Variants in TTC7A observed in about 807,000 individuals in gnomAD.
The protein encoded by TTC7A is tetratricopeptide repeat domain 7A.
In TTC7A, 110 loss-of-function variants were observed where a neutral mutation model predicts 103.7. That is an observed-to-expected ratio of 1.06 (90% confidence interval 0.91 to 1.24). TTC7A has a LOEUF of 1.24. Ranked by LOEUF, TTC7A falls within the 50% of genes most tolerant of loss-of-function variation. TTC7A has a pLI of 0.00. For missense variants in TTC7A, 1,340 were observed against 1,116.3 expected, an observed-to-expected ratio of 1.20 and a Z score of -2.86; for synonymous variants, 521 against 467.9, an observed-to-expected ratio of 1.11 and a Z score of -1.47.
At chr2:46,956,812 G>T in intron 2 of TTC7A, 27 bp from the exon 3 acceptor site, 1 of 1,612,684 alleles carries the variant, frequency 6.2e-7, no homozygotes, top group Non-Finnish European at 8.5e-7. Flanking sequence ...TGGGGCAGGC[G>T]CTGGTAACAT....
rs138361815 is a variant in TTC7A at position 47,062,960 on chromosome 2, A to G, written c.2355+1989A>G. On this transcript the variant is annotated intron_variant, in intron 19 of 19. Transcript: ENST00000319190. ...CAGTCGGCTTCTGCGTGGGCAGCCC[A>G]TCCCGTCTACAGGCTCTGTTCCTGC... Among the ~76,000 whole-genome samples the G allele has an allele frequency of 7.7e-3, 1,171 of 152,374 alleles. 16 individuals are homozygous for G. The highest frequency in any genetic ancestry group is 0.027 in the African/African-American group (1,131 of 41,592).
At chr2:46,977,532 A>G (rs532395450) in intron 4 of TTC7A, among the ~76,000 whole-genome samples, 6 of 152,318 alleles carry the variant, frequency 3.9e-5, no homozygotes, top group Admixed American at 3.3e-4. Context: ...CTTTTCCTGG[A>G]ACCAGAGGGC....
At chr2:46,927,976 C>T (rs1373385797) in intron 2 of TTC7A, among the ~76,000 whole-genome samples, 1 of 148,346 alleles carries the variant, frequency 6.7e-6, no homozygotes, top group African/African-American at 2.5e-5. Context: ...TCACTGCAGC[C>T]TCAACTTCCT....
chr2:47,017,200 CAAAAAA>C (rs70940652), intron 11 of TTC7A, among the ~76,000 whole-genome samples: 21 of 35,584 alleles, frequency 5.9e-4, no homozygotes, highest in African/African-American at 2.4e-3. Context: ...CACTCTGTCT[CAAAAAA>C]AAAAAAAAAA....
intron 5 of TTC7A, among the ~76,000 whole-genome samples, chr2:46,983,105 C>T (rs892112229): frequency 9.9e-5 from 15 of 152,138 alleles, no homozygotes; most frequent in South Asian, 2.1e-4. Context: ...TATGAGTCAC[C>T]TTTTGTTTTC....
intron 15 of TTC7A, among the ~76,000 whole-genome samples, chr2:47,031,120 C>G (rs538477310): frequency 6.6e-6 from 1 of 152,274 alleles, no homozygotes; most frequent in Admixed American, 6.5e-5. Context: ...GCACTCTAGC[C>G]TGGGCGACAG....
intron 19 of TTC7A, among the ~76,000 whole-genome samples, chr2:47,070,142 G>A (rs1045351479): frequency 6.6e-6 from 1 of 152,234 alleles, no homozygotes; most frequent in African/African-American, 2.4e-5. Context: ...ATCAGGCACT[G>A]AACTTATGGG....
At chr2:46,944,075 C>A (rs1290423352) in intron 1 of TTC7A, among the ~76,000 whole-genome samples, 1 of 152,136 alleles carries the variant, frequency 6.6e-6, no homozygotes, top group South Asian at 2.1e-4. Context: ...CTACTGTCTC[C>A]TCACTCACAT....
intron 3 of TTC7A, among the ~76,000 whole-genome samples, chr2:46,964,022 G>A (rs1194521875): frequency 6.6e-6 from 1 of 152,198 alleles, no homozygotes; most frequent in Non-Finnish European, 1.5e-5. Context: ...AAAAGGCATG[G>A]AGGCAGAGCC....
At chr2:46,997,428 A>G (rs771459455) in intron 8 of TTC7A, among the ~76,000 whole-genome samples, 3 of 150,882 alleles carry the variant, frequency 2.0e-5, no homozygotes, top group Non-Finnish European at 4.4e-5. Flanking sequence ...ATGTTGAGTC[A>G]TATGAAATTG....
intron 15 of TTC7A, chr2:47,034,421 C>G (rs1680892208): frequency 6.6e-6 from 1 of 152,324 alleles, no homozygotes; most frequent in African/African-American, 2.4e-5. Context: ...GAGGCCCGAC[C>G]AGGGAGGGGC....
At chr2:46,986,954 C>A (rs954983526) in intron 5 of TTC7A, among the ~76,000 whole-genome samples, 5 of 152,224 alleles carry the variant, frequency 3.3e-5, no homozygotes, top group Non-Finnish European at 7.3e-5. Context: ...AGTTCCTCAT[C>A]AGAATGTCTG....
At chr2:46,974,205 G>A (rs1396285677) in intron 3 of TTC7A, among the ~76,000 whole-genome samples, 1 of 152,238 alleles carries the variant, frequency 6.6e-6, no homozygotes, top group Admixed American at 6.5e-5. Flanking sequence ...AAAGGTACAG[G>A]CTCCTGCCTT....
chr2:47,023,516 A>G (rs770753426), intron 13 of TTC7A, 51 bp downstream of exon 13: 1 of 1,585,780 alleles, frequency 6.3e-7, no homozygotes, highest in Non-Finnish European at 8.7e-7. Flanking sequence ...TTGGTGGCAG[A>G]TTCACAAGCT....
At chr2:46,958,485 C>G in intron 3 of TTC7A, 1 of 1,304,276 alleles carries the variant, frequency 7.7e-7, no homozygotes, top group Non-Finnish European at 1.0e-6. Context: ...CTGCTCTCTC[C>G]TCTTTCCAGC....
At chr2:47,046,981 G>A (rs534959697) in intron 16 of TTC7A, 3 of 362,220 alleles carry the variant, frequency 8.3e-6, no homozygotes, top group East Asian at 1.0e-4. Flanking sequence ...GTCACCCACG[G>A]TCTTCATGCC....
At position 47,051,772 on chromosome 2, in the gene TTC7A, G is replaced by T. The variant is rs559596886; in HGVS notation, c.2044G>T (p.Ala682Ser). 8 of 1,610,826 alleles carry T rather than the reference G, an allele frequency of 5.0e-6. No individual in the cohort carries two copies. The highest frequency in any genetic ancestry group is 5.9e-6 in the Non-Finnish European group (7 of 1,179,442). Reference protein sequence around the residue: ...SGSRRASSIAASRLEEAMSEL... With the variant: ...SGSRRASSIASSRLEEAMSEL... The stretch of plus-strand genomic sequence containing the variant: ...CTCCCGGCGGGCTTCGTCCATCGCC[G>T]CCTCCCGGCTGGAGGAGGCCATGTC... The change falls in exon 18 of 20, where the codon GCC becomes TCC. Residue 682 changes from alanine (A) to serine (S), a missense_variant. By Grantham distance (99) the Ala-to-Ser change is moderately conservative. Coordinates refer to ENST00000319190, the MANE Select transcript of TTC7A (RefSeq NM_020458.4).
intron 18 of TTC7A, among the ~76,000 whole-genome samples, chr2:47,055,519 C>G (rs1268297269): frequency 6.6e-6 from 1 of 152,140 alleles, no homozygotes; most frequent in African/African-American, 2.4e-5. Flanking sequence ...GCTCCAGGAT[C>G]TGAGTGTTGA....
upstream of TTC7A, among the ~76,000 whole-genome samples, chr2:46,939,235 T>C (rs192108801): frequency 3.9e-5 from 6 of 151,940 alleles, no homozygotes; most frequent in Admixed American, 3.9e-4. Flanking sequence ...AATTGTACAA[T>C]AGCCTCTAAA....
Sources: gnomAD v4.1 joint callset for allele counts (sites outside exome capture counted in the v4.1 genomes callset) on GRCh38, gnomAD v4.1.1 for gene constraint, MANE v1.5 for transcripts, NCBI Gene and HGNC (gene_info 2026-07-23, HGNC 2026-07-21) for gene names.